The following PID1 variants were observed in gnomAD, a reference collection of about 807,000 sequenced individuals.
PID1 encodes the protein PTB-containing, cubilin and LRP1-interacting protein.
In PID1, 10 loss-of-function variants were observed where a neutral mutation model predicts 19.1. That is an observed-to-expected ratio of 0.52 (90% CI 0.32 to 0.89). The LOEUF (loss-of-function observed/expected upper bound fraction) is 0.89, where lower values mean the gene tolerates loss of function less well. Ranked by LOEUF, PID1 falls within the 40% of genes least tolerant of loss-of-function variation. The pLI is 0.03. For synonymous variants in PID1, 130 were observed against 116.0 expected (o/e 1.12, Z -0.78); for missense variants, 248 against 285.3 (o/e 0.87, Z 0.94).
intron 1 of PID1, among the ~76,000 whole-genome samples, chr2:229,216,326 C>T (rs1009756986): frequency 5.3e-5 from 8 of 152,168 alleles, no homozygotes; most frequent in South Asian, 4.1e-4. Flanking sequence ...TTTCTCCTCC[C>T]GATTCAGAGC....
At chr2:229,227,804 CT>C (rs1197885946) in intron 1 of PID1, among the ~76,000 whole-genome samples, 2 of 152,112 alleles carry the variant, frequency 1.3e-5, no homozygotes, top group African/African-American at 2.4e-5. Context: ...CAGGTACAGA[CT>C]TTTTTCTTGT....
chr2:229,025,925 C>A lies in PID1; in HGVS notation c.361G>T (p.Ala121Ser), dbSNP rs374938855. 1.1e-5 allele frequency: 17 copies of A among 1,614,006 alleles called. No individual in the cohort carries two copies. Among genetic ancestry groups the A allele is most frequent in the African/African-American group, 4.0e-5 (3 of 74,906 alleles). The change falls in exon 3 of 3, where the codon GCC (alanine) becomes TCC (serine). Residue 121 changes from alanine to serine, a missense_variant. Coordinates refer to ENST00000392055, the MANE Select transcript of PID1 (RefSeq NM_001100818.2). The part of the protein sequence containing the change: ...WLHHLDHKGE[A>S]TVHMDTFQVA... ...TGGAAGGTATCCATGTGCACTGTGG[C>A]CTCCCCTTTGTGGTCGAGATGATGG...
intron 2 of PID1, among the ~76,000 whole-genome samples, chr2:229,032,410 C>A (rs1410779377): frequency 6.6e-6 from 1 of 152,200 alleles, no homozygotes; most frequent in African/African-American, 2.4e-5. Flanking sequence ...TAAGGAGAAT[C>A]CTGTTATCCT....
At chr2:229,209,985 C>T (rs1483061247) in intron 1 of PID1, among the ~76,000 whole-genome samples, 2 of 152,008 alleles carry the variant, frequency 1.3e-5, no homozygotes, top group East Asian at 3.9e-4. Context: ...AAATCTTCAC[C>T]ATAATCACTT....
chr2:229,210,388 C>T (rs1691702411), intron 1 of PID1, among the ~76,000 whole-genome samples: 1 of 141,680 alleles, frequency 7.1e-6, no homozygotes, highest in African/African-American at 2.5e-5. Context: ...TGGCAGGCAC[C>T]TGTAGTCCCA....
At chr2:229,140,522 T>C (rs1164486933) in intron 2 of PID1, among the ~76,000 whole-genome samples, 1 of 152,084 alleles carries the variant, frequency 6.6e-6, no homozygotes, top group Admixed American at 6.6e-5. Context: ...GTAGAGCTGA[T>C]GTATTTCCTT....
chr2:229,113,555 G>A (rs1277651704), intron 2 of PID1, among the ~76,000 whole-genome samples: 1 of 139,576 alleles, frequency 7.2e-6, no homozygotes, highest in East Asian at 2.0e-4. Flanking sequence ...TGTCACTTAA[G>A]GCCTAGTTGT....
chr2:229,089,067 C>T (rs1694821443), intron 2 of PID1, among the ~76,000 whole-genome samples: 1 of 152,060 alleles, frequency 6.6e-6, no homozygotes, highest in South Asian at 2.1e-4. Flanking sequence ...GAAACAGAGC[C>T]TTACTTTTAT....
rs1490254534 is a variant in PID1, at chr2:229,191,956, T to C, written c.31-35992A>G. 2.6e-5 allele frequency among the ~76,000 whole-genome samples: 4 copies of C among 152,302 alleles called. No homozygotes were observed. The East Asian group carries it at 7.7e-4, about 29-fold the overall frequency. On this transcript the variant is annotated intron_variant, in intron 1 of 2. Transcript: ENST00000392055. ...TTAAACCTGAAATAGCAAGCACAAA[T>C]TAAAGGCACCCAATTAATATTAGTG...
chr2:229,078,762 C>T (rs1694612726), intron 2 of PID1, among the ~76,000 whole-genome samples: 1 of 152,140 alleles, frequency 6.6e-6, no homozygotes, highest in Non-Finnish European at 1.5e-5. Flanking sequence ...TCCCACCTCT[C>T]AGAACATCCT....
intron 2 of PID1, among the ~76,000 whole-genome samples, chr2:229,138,861 AG>A (rs1689912343): frequency 1.6e-5 from 2 of 124,916 alleles, no homozygotes; most frequent in African/African-American, 5.8e-5. Context: ...CGAATGTAGA[AG>A]GAGGAAAAAA....
chr2:229,193,016 G>A (rs1691295872), intron 1 of PID1, among the ~76,000 whole-genome samples: 1 of 152,058 alleles, frequency 6.6e-6, no homozygotes, highest in Admixed American at 6.6e-5. Context: ...TGCTATTTTG[G>A]TTATCTCTTA....
At chr2:229,056,195 C>A (rs1485212069) in intron 2 of PID1, among the ~76,000 whole-genome samples, 1 of 152,064 alleles carries the variant, frequency 6.6e-6, no homozygotes, top group African/African-American at 2.4e-5. Flanking sequence ...AGAATATTAA[C>A]AAGAGTATAA....
intron 1 of PID1, among the ~76,000 whole-genome samples, chr2:229,237,582 T>C (rs1241430420): frequency 1.3e-5 from 2 of 152,070 alleles, no homozygotes; most frequent in Non-Finnish European, 2.9e-5. Flanking sequence ...TTATAAGTGG[T>C]GTGAGAAAAG....
intron 1 of PID1, among the ~76,000 whole-genome samples, chr2:229,169,025 A>G (rs1690658259): frequency 6.6e-6 from 1 of 152,156 alleles, no homozygotes; most frequent in Non-Finnish European, 1.5e-5. Context: ...TGAGGCTAGG[A>G]GAAGGTCCCT....
intron 2 of PID1, among the ~76,000 whole-genome samples, chr2:229,137,764 C>T (rs1574657813): frequency 6.6e-6 from 1 of 152,182 alleles, no homozygotes; most frequent in African/African-American, 2.4e-5. Context: ...CATAAACCAG[C>T]ACTAAGAGTT....
chr2:229,031,917 A>T (rs1378114580), intron 2 of PID1, among the ~76,000 whole-genome samples: 1 of 152,220 alleles, frequency 6.6e-6, no homozygotes, highest in East Asian at 1.9e-4. Flanking sequence ...TGTTGACTGT[A>T]AGTCACTGAA....
chr2:229,091,391 T>G (rs1299196177), intron 2 of PID1, among the ~76,000 whole-genome samples: 1 of 150,870 alleles, frequency 6.6e-6, no homozygotes, highest in African/African-American at 2.4e-5. Context: ...TGATATGCAA[T>G]TACATTTCCA....
chr2:229,169,545 C>G (rs529652485), intron 1 of PID1, among the ~76,000 whole-genome samples: 1 of 152,196 alleles, frequency 6.6e-6, no homozygotes, highest in South Asian at 2.1e-4. Context: ...TTGAGGAATG[C>G]TATATGTTTG....
Sources: gnomAD v4.1 joint callset for allele counts (sites outside exome capture counted in the v4.1 genomes callset) on GRCh38, gnomAD v4.1.1 for gene constraint, MANE v1.5 for transcripts, NCBI Gene and HGNC (gene_info 2026-07-23, HGNC 2026-07-21) for gene names.